Variants in ZNF558 observed in about 807,000 individuals in gnomAD.
ZNF558 encodes zinc finger protein 558.
ZNF558 carries 23 observed loss-of-function variants against 37.6 expected under a neutral mutation model. The ratio of observed to expected loss-of-function variants is 0.61; its 90% confidence interval spans 0.44 to 0.87. The LOEUF is 0.87. Among genes scored for constraint, ZNF558 ranks in the 40% least tolerant of loss-of-function variants. The probability of loss-of-function intolerance (pLI) is 0.00; values close to 1 mark genes in which losing one functional copy is unlikely to be tolerated. For missense variants in ZNF558, 429 were observed against 483.7 expected (o/e 0.89, Z 1.06); for synonymous variants, 189 against 174.4 (o/e 1.08, Z -0.66).
chr19:8,825,173 C>G (rs1370027857), intron 2 of ZNF558, 65 bp from the exon 3 acceptor site: 1 of 152,180 alleles, frequency 6.6e-6, no homozygotes, highest in East Asian at 1.9e-4. Context: ...TCCTAGAACC[C>G]ACTTCTAGAA....
In ZNF558 at chr19:8,813,169, CCTT is replaced by C. The variant is rs1555768988; in HGVS notation, c.298_300del (p.Lys100del). ...AGAATTCCTCTTTCCTCTGTCACCACCTTCTTGTCTTGTTCCAACTGGGATATC... is the reference window on the plus strand; with the variant it reads ...AGAATTCCTCTTTCCTCTGTCACCACCTTGTCTTGTTCCAACTGGGATATC... On this transcript the variant is annotated inframe_deletion, in exon 8 of 10. Transcript: ENST00000601372. The C allele has an allele frequency of 6.2e-7, 1 of 1,600,018 alleles. No homozygotes were observed. The highest frequency in any genetic ancestry group is 1.7e-5 in the Admixed American group (1 of 58,016).
At chr19:8,832,736 G>T (rs1394722274), upstream of ZNF558, among the ~76,000 whole-genome samples, 1 of 151,716 alleles carries the variant, frequency 6.6e-6, no homozygotes, top group Non-Finnish European at 1.5e-5. Flanking sequence ...ATGGTATAAG[G>T]CTTCTAGAGC....
At chr19:8,825,898 G>T (rs1282885852) in intron 2 of ZNF558, among the ~76,000 whole-genome samples, 1 of 152,234 alleles carries the variant, frequency 6.6e-6, no homozygotes, top group Non-Finnish European at 1.5e-5. Context: ...TGTGAGGAAG[G>T]CAAGGATCCT....
chr19:8,833,248 A>T (rs2044406122), upstream of ZNF558: 1 of 152,222 alleles, frequency 6.6e-6, no homozygotes. Context: ...ATAGGATCAG[A>T]TTATGTATGC....
chr19:8,811,410 G>C lies in ZNF558; in HGVS notation c.1080C>G (p.Leu360=), dbSNP rs1555767882. 1.2e-6 allele frequency: 2 copies of C among 1,614,088 alleles called. No homozygotes were observed. The part of the protein sequence containing the change: ...CSDCGKAFNN[L]SAVKKHLRTH... ...TTCTTAAGTGTTTCTTCACAGCTGA[G>C]AGATTATTAAAGGCTTTTCCACAGT... Residue 360 remains leucine (L), a synonymous_variant, in exon 10 of 10, where the codon CTC becomes CTG. Coordinates refer to ENST00000601372, the MANE Select transcript of ZNF558 (RefSeq NM_144693.3).
Position 8,811,748 on chromosome 19 carries a change from T to G in ZNF558, c.742A>C (p.Ser248Arg). Reference protein sequence around the residue: ...CNQCFHVFRTSCNLKSHKRIH... With the variant: ...CNQCFHVFRTRCNLKSHKRIH... ...CTCTTGTGGCTTTTGAGGTTACAAC[T>G]GGTGCGGAAAACGTGAAAACACTGG... The change falls in exon 10 of 10, where the codon AGT becomes CGT. Residue 248 changes from serine (S) to arginine (R), a missense_variant. By Grantham distance (110) the Ser-to-Arg change is moderately radical. Coordinates refer to ENST00000601372, the MANE Select transcript of ZNF558 (RefSeq NM_144693.3). 1 of 1,614,188 alleles carries G rather than the reference T, an allele frequency of 6.2e-7. No individual in the cohort carries two copies. The highest frequency in any genetic ancestry group is 1.7e-5 in the Admixed American group (1 of 60,026).
rs2043796990 is a variant in ZNF558, at chr19:8,811,749, G to A, written c.741C>T (p.Thr247=). 1 of 1,613,536 alleles carries A rather than the reference G, an allele frequency of 6.2e-7. No individual in the cohort carries two copies. The highest frequency in any genetic ancestry group is 8.5e-7 in the Non-Finnish European group (1 of 1,179,882). Residue 247 remains threonine, a synonymous_variant, in exon 10 of 10, where the codon ACC becomes ACT. Coordinates refer to ENST00000601372, the MANE Select transcript of ZNF558 (RefSeq NM_144693.3). Reference sequence around the variant, plus strand: ...TCTTGTGGCTTTTGAGGTTACAACTGGTGCGGAAAACGTGAAAACACTGGT... The same window carrying A: ...TCTTGTGGCTTTTGAGGTTACAACTAGTGCGGAAAACGTGAAAACACTGGT... ...ECNQCFHVFR[T]SCNLKSHKRI...
Position 8,807,328 on chromosome 19 carries a change from C to T in ZNF558, c.*3953G>A, listed in dbSNP as rs1242985231. 1.3e-5 allele frequency: 2 copies of T among 152,310 alleles called. No individual in the cohort carries two copies. The highest frequency in any genetic ancestry group is 4.8e-5 in the African/African-American group (2 of 41,430). 9.4% of individuals were successfully genotyped at this position (152,310 alleles called of 1,614,324 possible). A position where few individuals can be genotyped will look rare whatever the true frequency, so the allele number is the denominator to read the frequency against. The stretch of plus-strand genomic sequence containing the variant: ...GGTGCTTTACAACTTTTTGTGGTTT[C>T]CCTGGATCCTGTCCACAGGACTGAG... On this transcript the variant is annotated 3_prime_UTR_variant, in exon 10 of 10. Transcript: ENST00000601372.
intron 7 of ZNF558, among the ~76,000 whole-genome samples, chr19:8,819,995 T>G (rs999204319): frequency 6.6e-6 from 1 of 152,156 alleles, no homozygotes; most frequent in Non-Finnish European, 1.5e-5. Flanking sequence ...GCAAAGGACT[T>G]GAATAGACAT....
chr19:8,821,482 C>G, intron 6 of ZNF558, 176 bp from the exon 7 acceptor site: 2 of 1,467,836 alleles, frequency 1.4e-6, no homozygotes, highest in Non-Finnish European at 1.8e-6. Context: ...TTCTGAGCTC[C>G]TCTCCTGGGG....
chr19:8,813,219 C>T lies in ZNF558; in HGVS notation c.251G>A (p.Cys84Tyr). 1 of 1,586,610 alleles carries T rather than the reference C, an allele frequency of 6.3e-7. No homozygotes were observed. The highest frequency in any genetic ancestry group is 8.6e-7 in the Non-Finnish European group (1 of 1,164,850). ...ENCRNLASLG[C>Y]RVNKPSLISQ... ...TATCAGACTGGGTTTATTAACACGA[C>T]ACCCTATTTATGGAAACAATACACA... Residue 84 changes from cysteine to tyrosine, a missense_variant, in exon 8 of 10, where the codon TGT becomes TAT. Physicochemically the swap from Cys to Tyr is radical, Grantham distance 194 (BLOSUM62 -2). Transcript: ENST00000601372.
At chr19:8,835,680 C>A (rs559294161), upstream of ZNF558, among the ~76,000 whole-genome samples, 2 of 110,112 alleles carry the variant, frequency 1.8e-5, no homozygotes, top group African/African-American at 5.9e-5. Flanking sequence ...CCAGTATATG[C>A]CCAAGAGAAA....
At chr19:8,813,578 T>C (rs527793867) in intron 7 of ZNF558, among the ~76,000 whole-genome samples, 23 of 152,266 alleles carry the variant, frequency 1.5e-4, no homozygotes, top group Admixed American at 3.3e-4. Context: ...AGGCAGGTCT[T>C]GATCTCTTGA....
In ZNF558 at chr19:8,831,354, T is replaced by C. The variant is rs916467434; in HGVS notation, c.-545A>G. The C allele has an allele frequency of 1.3e-5, 2 of 151,976 alleles. No individual in the cohort carries two copies. The highest frequency in any genetic ancestry group is 4.8e-5 in the African/African-American group (2 of 41,378). The allele number at this position is 151,976 out of a possible 1,614,324, so 9.4% of individuals were successfully genotyped here. ...AAAACCCACAACAACAGGTGGACCTTGTGGCAGGCTTCAACACGAATCTGA... is the reference window on the plus strand; with the variant it reads ...AAAACCCACAACAACAGGTGGACCTCGTGGCAGGCTTCAACACGAATCTGA... On this transcript the variant is annotated 5_prime_UTR_variant, in exon 2 of 10. Coordinates refer to ENST00000601372, the MANE Select transcript of ZNF558 (RefSeq NM_144693.3).
At chr19:8,815,179 G>A (rs1039624131) in intron 7 of ZNF558, among the ~76,000 whole-genome samples, 79 of 152,160 alleles carry the variant, frequency 5.2e-4, no homozygotes, top group East Asian at 1.9e-4. Flanking sequence ...AACTAGACAA[G>A]TAAAATAAGT....
upstream of ZNF558, among the ~76,000 whole-genome samples, chr19:8,834,816 C>G (rs1157769127): frequency 2.0e-5 from 3 of 151,908 alleles, no homozygotes; most frequent in African/African-American, 7.3e-5. Context: ...TTGGGTTAGG[C>G]AATTGTTTCT....
In ZNF558 at chr19:8,808,112, C is replaced by G. The variant is rs146016788; in HGVS notation, c.*3169G>C. ...CTGACCATCAGGAGTTCGAGACTAG[C>G]CTGGCCAACATGGTGAAACCCCATC... On this transcript the variant is annotated 3_prime_UTR_variant, in exon 10 of 10. Transcript: ENST00000601372. The G allele has an allele frequency of 6.6e-6, 1 of 152,100 alleles. No individual in the cohort carries two copies. The highest frequency in any genetic ancestry group is 1.9e-4 in the East Asian group (1 of 5,188). The allele number at this position is 152,100 out of a possible 1,614,324, so 9.4% of individuals were successfully genotyped here.
chr19:8,818,407 G>C (rs1325891939), intron 7 of ZNF558, among the ~76,000 whole-genome samples: 1 of 152,034 alleles, frequency 6.6e-6, no homozygotes, highest in Non-Finnish European at 1.5e-5. Context: ...AGCCGAGATC[G>C]CACCACTGCA....
chr19:8,821,552 T>G, intron 6 of ZNF558: 1 of 1,411,480 alleles, frequency 7.1e-7, no homozygotes, highest in Non-Finnish European at 9.2e-7. Flanking sequence ...CCTTAGGCCA[T>G]TCCCAGGTCC....
Sources: gnomAD v4.1 joint callset for allele counts (sites outside exome capture counted in the v4.1 genomes callset) on GRCh38, gnomAD v4.1.1 for gene constraint, MANE v1.5 for transcripts, NCBI Gene and HGNC (gene_info 2026-07-23, HGNC 2026-07-21) for gene names.